CLK2: variants seen among roughly 807,000 people sequenced by gnomAD.
CLK2 encodes dual specificity protein kinase CLK2.
CLK2 carries 12 observed loss-of-function variants against 73.5 expected under a neutral mutation model. That is an observed-to-expected ratio of 0.16 (90% CI 0.10 to 0.26). The LOEUF (loss-of-function observed/expected upper bound fraction) is 0.26, where lower values mean the gene tolerates loss of function less well. Among genes scored for constraint, CLK2 ranks in the 10% least tolerant of loss-of-function variants. The pLI, the probability that CLK2 is intolerant of heterozygous loss-of-function variation, is 1.00. For synonymous variants in CLK2, 232 were observed against 237.9 expected, an observed-to-expected ratio of 0.98 and a Z score of 0.23; for missense variants, 509 against 688.4, an observed-to-expected ratio of 0.74 and a Z score of 2.92.
In CLK2 at chr1:155,273,495, A is replaced by C. The variant is rs529928655; in HGVS notation, c.-295T>G. 6.6e-6 allele frequency: 1 copy of C among 152,572 alleles called. No individual in the cohort carries two copies. Among genetic ancestry groups the C allele is most frequent in the Non-Finnish European group, 1.5e-5 (1 of 68,276 alleles). 9.5% of individuals were successfully genotyped at this position (152,572 alleles called of 1,614,324 possible). A position where few individuals can be genotyped will look rare whatever the true frequency, so the allele number is the denominator to read the frequency against. On this transcript the variant is annotated 5_prime_UTR_variant, in exon 1 of 13. Coordinates refer to ENST00000368361, the MANE Select transcript of CLK2 (RefSeq NM_001294338.2). The stretch of plus-strand genomic sequence containing the variant: ...TCCGCCGCCGCCGCCGTGAGCGAGC[A>C]CGTACGCACGGACCGACGTCCTGCG...
At chr1:155,272,284 G>T (rs1673550765) in intron 1 of CLK2, among the ~76,000 whole-genome samples, 1 of 152,148 alleles carries the variant, frequency 6.6e-6, no homozygotes, top group Non-Finnish European at 1.5e-5. Context: ...CCAAAGTGCT[G>T]GGATTACAGA....
chr1:155,270,819 G>A lies in CLK2; in HGVS notation c.159C>T (p.Val53=), dbSNP rs56180131. 4.3e-3 allele frequency: 6,968 copies of A among 1,607,726 alleles called. 25 individuals are homozygous for A. The highest frequency in any genetic ancestry group is 5.0e-3 in the Non-Finnish European group (5,824 of 1,174,566). Residue 53 remains valine, a synonymous_variant, in exon 2 of 13, where the codon GTC becomes GTT. Transcript: ENST00000368361. ...TCCTGAGGCCTCACCTTCGAGAACG[G>A]ACATGGTAGCTGTCCTCTCGCCGAC... ...RRRRREDSYH[V]RSRSSYDDRS... is the part of the protein sequence containing the mutation.
rs749522436 is a variant in CLK2 at position 155,263,080 on chromosome 1, T to C, written c.*138A>G. 1.9e-5 allele frequency: 15 copies of C among 772,132 alleles called. No individual in the cohort carries two copies. The highest frequency in any genetic ancestry group is 3.7e-4 in the Middle Eastern group (1 of 2,670). 47.8% of individuals were successfully genotyped at this position (772,132 alleles called of 1,614,324 possible). ...TACAAGTTCTTTCATATTTACACTA[T>C]TTCACATATTCACAGGTATATAGAG... On this transcript the variant is annotated 3_prime_UTR_variant, in exon 13 of 13. Coordinates refer to ENST00000368361, the MANE Select transcript of CLK2 (RefSeq NM_001294338.2).
Position 155,267,867 on chromosome 1 carries a change from T to C in CLK2, c.671+143A>G, listed in dbSNP as rs1673306896. 6 of 670,948 alleles carry C rather than the reference T, an allele frequency of 8.9e-6. No homozygotes were observed. The South Asian group carries it at 1.0e-4, about 12-fold the overall frequency. The allele number at this position is 670,948 out of a possible 1,614,324, so 41.6% of individuals were successfully genotyped here. On this transcript the variant is annotated intron_variant, in intron 6 of 12. Transcript: ENST00000368361. The stretch of plus-strand genomic sequence containing the variant: ...GCCCCCCCCCTTTCCTACCCTGATG[T>C]TCTACTACTCTAAGATGATGAACAA...
chr1:155,268,844 GCCGGAGGGAGGCGGGGT>G lies in CLK2; in HGVS notation c.400-66_400-50del. ...GAGCAAGCCAGGTGTCGGAGCGGGG[GCCGGAGGGAGGCGGGGT>G]GGGTGGTAGAGGGGTCACCGGTCAC... On this transcript the variant is annotated intron_variant, in intron 3 of 12. Transcript: ENST00000368361. This position sits in a 1 kb window ranked among gnomAD's most constrained non-coding sequence, Gnocchi z 5.6. The G allele has an allele frequency of 8.9e-6, 9 of 1,012,020 alleles. No individual in the cohort carries two copies. Among genetic ancestry groups the G allele is most frequent in the East Asian group, 2.6e-5 (1 of 38,790 alleles). The allele number at this position is 1,012,020 out of a possible 1,614,324, so 62.7% of individuals were successfully genotyped here.
In CLK2 at chr1:155,262,905, G is replaced by A. The variant is rs1201715973; in HGVS notation, c.*313C>T. ...GAAGCACGTTATTTTATTTCACAAA[G>A]ACTGTACAAAATTCCTTATAAAACA... On this transcript the variant is annotated 3_prime_UTR_variant, in exon 13 of 13. Coordinates refer to ENST00000368361, the MANE Select transcript of CLK2 (RefSeq NM_001294338.2). 2 of 299,136 alleles carry A rather than the reference G, an allele frequency of 6.7e-6. No individual in the cohort carries two copies. Among genetic ancestry groups the A allele is most frequent in the Non-Finnish European group, 6.2e-6 (1 of 162,134 alleles). The allele number at this position is 299,136 out of a possible 1,614,324, so 18.5% of individuals were successfully genotyped here. A position where few individuals can be genotyped will look rare whatever the true frequency, so the allele number is the denominator to read the frequency against.
chr1:155,269,020 G>A, intron 3 of CLK2: 2 of 608,532 alleles, frequency 3.3e-6, no homozygotes, highest in Non-Finnish European at 5.9e-6. Flanking sequence ...ACAGGAACAG[G>A]GAGAGGCATG....
rs895922084 is a variant in CLK2, at chr1:155,263,766, C to T, written c.1317+184G>A. On this transcript the variant is annotated intron_variant, in intron 12 of 12. Coordinates refer to ENST00000368361, the MANE Select transcript of CLK2 (RefSeq NM_001294338.2). ...GTTGTCTCAAGGTTAGGCTGTCTAA[C>T]CTCCTTCCCTCCACAAAACCACTCC... 4.1e-6 allele frequency: 4 copies of T among 968,222 alleles called. No individual in the cohort carries two copies. In the African/African-American group the frequency reaches 5.3e-5, roughly 13 times the overall value. The allele number at this position is 968,222 out of a possible 1,614,324, so 60.0% of individuals were successfully genotyped here.
At position 155,270,881 on chromosome 1, in the gene CLK2, G is replaced by C. The variant is rs199688580; in HGVS notation, c.97C>G (p.Arg33Gly). The C allele has an allele frequency of 1.2e-6, 2 of 1,614,078 alleles. No individual in the cohort carries two copies. Among genetic ancestry groups the C allele is most frequent in the African/African-American group, 2.7e-5 (2 of 74,930 alleles). The stretch of plus-strand genomic sequence containing the variant: ...CGGTCACTACTACTTGACCAGGAGC[G>C]ACTTCTTCGTCGCTTATGCTTTCGG... ...RSRKHKRRRS[R>G]SWSSSSDRTR... The change falls in exon 2 of 13, where the codon CGC becomes GGC. Residue 33 changes from arginine to glycine, a missense_variant. This residue lies in a region of CLK2 where 222 missense variants were observed against 221.7 expected (regional missense o/e 1.00). Transcript: ENST00000368361.
intron 6 of CLK2, among the ~76,000 whole-genome samples, chr1:155,267,521 G>C (rs1463224905): frequency 1.3e-5 from 2 of 152,114 alleles, no homozygotes; most frequent in African/African-American, 4.8e-5. Flanking sequence ...CCCAACCCCA[G>C]CCCAACTCCT....
In CLK2 at chr1:155,267,990, A is replaced by ATACT. The variant is rs755815750; in HGVS notation, c.671+16_671+19dup. The ATACT allele has an allele frequency of 1.9e-6, 3 of 1,582,626 alleles. No individual in the cohort carries two copies. Among genetic ancestry groups the ATACT allele is most frequent in the Non-Finnish European group, 2.6e-6 (3 of 1,151,564 alleles). ...GGGTTGGGGCTCTCAGCCTCCCTAC[A>ATACT]TACTTCCTTGCTTGCTTACTTCTTG... On this transcript the variant is annotated intron_variant, in intron 6 of 12. Coordinates refer to ENST00000368361, the MANE Select transcript of CLK2 (RefSeq NM_001294338.2).
intron 1 of CLK2, among the ~76,000 whole-genome samples, chr1:155,271,898 C>T (rs1001205723): frequency 1.3e-5 from 2 of 152,148 alleles, no homozygotes; most frequent in Non-Finnish European, 2.9e-5. Context: ...TCATCTCTCA[C>T]ATCTTTGGCC....
Position 155,265,866 on chromosome 1 carries a change from T to C in CLK2, c.927A>G (p.Leu309=). 1 of 1,604,096 alleles carries C rather than the reference T, an allele frequency of 6.2e-7. No homozygotes were observed. Among genetic ancestry groups the C allele is most frequent in the Non-Finnish European group, 8.5e-7 (1 of 1,170,834 alleles). ...VNSDYELTYN[L]EKKRDERSVK... ...CAGACCCTATCCATCTTACCTTCTC[T>C]AGGTTGTAGGTGAGCTCATAGTCTG... Residue 309 remains leucine (L), a synonymous_variant, in exon 8 of 13, where the codon CTA becomes CTG. Transcript: ENST00000368361.
At chr1:155,266,212 C>G (rs1050560970) in intron 7 of CLK2, among the ~76,000 whole-genome samples, 3 of 152,048 alleles carry the variant, frequency 2.0e-5, no homozygotes, top group African/African-American at 7.2e-5. Context: ...CACACTTTGA[C>G]ATGTGTCTAG....
At chr1:155,271,137 T>A (rs887357046) in intron 1 of CLK2, among the ~76,000 whole-genome samples, 160 bp from the exon 2 acceptor site, 2 of 152,272 alleles carry the variant, frequency 1.3e-5, no homozygotes, top group East Asian at 1.9e-4. Context: ...TTACAATTCC[T>A]CCTTATTGGA....
In CLK2 at chr1:155,269,695, G is replaced by T; in HGVS notation, c.192C>A (p.Ser64=). ...ATCGCCGGTCATACACCCTCCGGTC[G>T]GACGAACGATCATCATAACTGCTGT... ...RSRSSYDDRS[S]DRRVYDRRYC... is the part of the protein sequence containing the mutation. Residue 64 remains serine (S), a synonymous_variant, in exon 3 of 13, where the codon TCC becomes TCA. Transcript: ENST00000368361. 1 of 1,614,174 alleles carries T rather than the reference G, an allele frequency of 6.2e-7. No individual in the cohort carries two copies. Among genetic ancestry groups the T allele is most frequent in the Non-Finnish European group, 8.5e-7 (1 of 1,180,036 alleles).
chr1:155,269,011 C>T (rs1422829004), intron 3 of CLK2: 1 of 609,400 alleles, frequency 1.6e-6, no homozygotes, highest in African/African-American at 1.8e-5. Flanking sequence ...AAACCCAAAA[C>T]AGGAACAGGG....
Position 155,270,825 on chromosome 1 carries a change from G to A in CLK2, c.153C>T (p.Tyr51=), listed in dbSNP as rs982396939. 6.2e-7 allele frequency: 1 copy of A among 1,611,070 alleles called. No individual in the cohort carries two copies. The highest frequency in any genetic ancestry group is 1.3e-5 in the African/African-American group (1 of 74,984). ...RTRRRRREDS[Y]HVRSRSSYDD... ...GGCCTCACCTTCGAGAACGGACATG[G>A]TAGCTGTCCTCTCGCCGACGCCGTC... The change falls in exon 2 of 13, where the codon TAC becomes TAT. Residue 51 remains tyrosine, a synonymous_variant. Transcript: ENST00000368361.
rs1259818564 is a variant in CLK2 at position 155,263,114 on chromosome 1, GGAA to G, written c.*101_*103del. ...TTCACAGGTATATAGAGAGCCAGGA[GGAA>G]GGAGTGAACTCTGGCTCGTTCTCTT... On this transcript the variant is annotated 3_prime_UTR_variant, in exon 13 of 13. Transcript: ENST00000368361. The G allele has an allele frequency of 2.2e-5, 24 of 1,097,128 alleles. No individual in the cohort carries two copies. The highest frequency in any genetic ancestry group is 2.8e-5 in the Non-Finnish European group (22 of 782,478). 68.0% of individuals were successfully genotyped at this position (1,097,128 alleles called of 1,614,324 possible). A position where few individuals can be genotyped will look rare whatever the true frequency, so the allele number is the denominator to read the frequency against.
Sources: gnomAD v4.1 joint callset for allele counts (sites outside exome capture counted in the v4.1 genomes callset) on GRCh38, gnomAD v4.1.1 for gene constraint, gnomAD v4.1.1 regional missense constraint, Gnocchi (gnomAD v3.1) non-coding constraint, MANE v1.5 for transcripts, NCBI Gene and HGNC (gene_info 2026-07-23, HGNC 2026-07-21) for gene names.